CDH4: variants seen among roughly 807,000 people sequenced by gnomAD.
CDH4 encodes the protein cadherin-4.
Under a neutral mutation model 86.0 loss-of-function variants are expected in CDH4, and 33 were observed. The observed-to-expected ratio is 0.38, with a 90% CI of 0.29 to 0.51. CDH4 has a LOEUF of 0.51. Among genes scored for constraint, CDH4 ranks in the 20% least tolerant of loss-of-function variants. The pLI, the probability that CDH4 is intolerant of heterozygous loss-of-function variation, is 0.86. For synonymous variants in CDH4, 555 were observed against 549.4 expected (o/e 1.01, Z -0.14); for missense variants, 1,114 against 1,307.4 (o/e 0.85, Z 2.28).
At chr20:61,469,940 C>T (rs547301952) in intron 2 of CDH4, among the ~76,000 whole-genome samples, 2 of 152,108 alleles carry the variant, frequency 1.3e-5, no homozygotes, top group Non-Finnish European at 2.9e-5. Flanking sequence ...TATGCCAGTA[C>T]CATGCTAATT....
At chr20:61,504,162 G>C (rs2085723936) in intron 2 of CDH4, among the ~76,000 whole-genome samples, 1 of 152,228 alleles carries the variant, frequency 6.6e-6, no homozygotes, top group Non-Finnish European at 1.5e-5. Context: ...AGATCCCGCA[G>C]GTAGTACTGA....
chr20:61,401,980 T>C (rs4632434), intron 2 of CDH4, among the ~76,000 whole-genome samples: 9,065 of 152,312 alleles, frequency 0.06, 320 homozygotes, highest in African/African-American at 0.1. Context: ...TGTTCACAGG[T>C]GTATCACGGA....
chr20:61,395,748 C>G (rs2085013267), intron 2 of CDH4, among the ~76,000 whole-genome samples: 1 of 152,210 alleles, frequency 6.6e-6, no homozygotes, highest in Non-Finnish European at 1.5e-5. Context: ...TCACCGCATT[C>G]CAGCCCGGGA....
chr20:61,319,374 A>G (rs78937055), intron 2 of CDH4, among the ~76,000 whole-genome samples: 378 of 152,240 alleles, frequency 2.5e-3, no homozygotes, highest in African/African-American at 8.6e-3. Flanking sequence ...TCCACCGGGA[A>G]GCAGGGCTAG....
At chr20:61,288,490 GC>G (rs2084304878) in intron 2 of CDH4, among the ~76,000 whole-genome samples, 1 of 152,218 alleles carries the variant, frequency 6.6e-6, no homozygotes, top group Non-Finnish European at 1.5e-5. Flanking sequence ...TCAGGGCATG[GC>G]CCACTCAGTG....
intron 2 of CDH4, among the ~76,000 whole-genome samples, chr20:61,600,580 C>T (rs944801060): frequency 6.6e-6 from 1 of 152,196 alleles, no homozygotes; most frequent in Non-Finnish European, 1.5e-5. Flanking sequence ...GCCCAGGAAG[C>T]ACTCAGCCAG....
intron 2 of CDH4, chr20:61,599,661 A>G (rs987714995): frequency 9.0e-6 from 2 of 221,594 alleles, no homozygotes; most frequent in South Asian, 3.2e-4. Flanking sequence ...TCCCAGTGAA[A>G]GACACAGAGT....
chr20:61,693,198 G>A (rs996953589), intron 2 of CDH4, among the ~76,000 whole-genome samples: 1 of 152,218 alleles, frequency 6.6e-6, no homozygotes, highest in Non-Finnish European at 1.5e-5. Flanking sequence ...GCGGGTACGA[G>A]CAGTCACTCC....
intron 2 of CDH4, among the ~76,000 whole-genome samples, chr20:61,523,381 C>T (rs574493333): frequency 5.3e-5 from 8 of 152,248 alleles, no homozygotes; most frequent in Non-Finnish European, 8.8e-5. Flanking sequence ...GTGATGATTG[C>T]GTGGCATGGC....
intron 2 of CDH4, among the ~76,000 whole-genome samples, chr20:61,579,722 T>C (rs557050404): frequency 1.5e-3 from 223 of 152,266 alleles, no homozygotes; most frequent in African/African-American, 5.1e-3. Context: ...AGGCACCCGA[T>C]GAATACTTGT....
At chr20:61,760,631 T>C (rs904677298) in intron 3 of CDH4, among the ~76,000 whole-genome samples, 2 of 152,232 alleles carry the variant, frequency 1.3e-5, no homozygotes, top group African/African-American at 4.8e-5. Context: ...ACCGACACCA[T>C]GGCAGCAAGC....
intron 2 of CDH4, among the ~76,000 whole-genome samples, chr20:61,290,521 G>GT (rs1312795916): frequency 6.6e-6 from 1 of 152,190 alleles, no homozygotes; most frequent in Non-Finnish European, 1.5e-5. Flanking sequence ...GACTTGCTGG[G>GT]TTTAGCACCA....
At chr20:61,608,425 G>A (rs891274253) in intron 2 of CDH4, among the ~76,000 whole-genome samples, 8 of 152,208 alleles carry the variant, frequency 5.3e-5, no homozygotes, top group Admixed American at 4.6e-4. Flanking sequence ...GAACTGCTAC[G>A]ACCCCAGCAC....
chr20:61,627,348 G>A (rs1211547541), intron 2 of CDH4, among the ~76,000 whole-genome samples: 1 of 152,160 alleles, frequency 6.6e-6, no homozygotes, highest in Non-Finnish European at 1.5e-5. Context: ...TGGGACAGCA[G>A]GGAACACTCA....
chr20:61,772,817 T>A (rs1468736546), intron 3 of CDH4, among the ~76,000 whole-genome samples, 186 bp from the exon 4 acceptor site: 1 of 148,114 alleles, frequency 6.8e-6, no homozygotes, highest in Non-Finnish European at 1.5e-5. Context: ...CTCACTTGAT[T>A]TTTTTTTTTC....
At chr20:61,647,018 C>T (rs1040216148) in intron 2 of CDH4, among the ~76,000 whole-genome samples, 2 of 152,208 alleles carry the variant, frequency 1.3e-5, no homozygotes, top group Admixed American at 6.5e-5. Flanking sequence ...GAGTTCACTT[C>T]AGCCATTCTT....
intron 2 of CDH4, among the ~76,000 whole-genome samples, chr20:61,259,606 A>G (rs1338157599): frequency 6.6e-6 from 1 of 152,214 alleles, no homozygotes; most frequent in African/African-American, 2.4e-5. Flanking sequence ...GGCACTAATG[A>G]TAAGCCAACC....
chr20:61,683,405 G>A (rs189362154), intron 2 of CDH4, among the ~76,000 whole-genome samples: 1 of 152,282 alleles, frequency 6.6e-6, no homozygotes, highest in Admixed American at 6.5e-5. Flanking sequence ...TGCAGTGAAC[G>A]GCACGGGTTG....
chr20:61,300,725 C>T (rs2084381679), intron 2 of CDH4, among the ~76,000 whole-genome samples: 1 of 152,208 alleles, frequency 6.6e-6, no homozygotes, highest in Non-Finnish European at 1.5e-5. Flanking sequence ...TCCCCTTTCT[C>T]CAGGACACTC....
Sources: allele counts gnomAD v4.1 joint callset (sites outside exome capture counted in the v4.1 genomes callset), GRCh38; gene constraint gnomAD v4.1.1; transcripts MANE v1.5; gene names NCBI Gene and HGNC (gene_info 2026-07-23, HGNC 2026-07-21).